Variants in CIMAP2 observed in about 807,000 individuals in gnomAD.
The protein encoded by CIMAP2 is ciliary microtubule associated protein 2.
chr1:54,813,689 G>A, the CIMAP2 span: 45 of 912,696 alleles, frequency 4.9e-5, no homozygotes, highest in East Asian at 4.6e-4. Context: ...TCCGGCCTCC[G>A]GGATGTCTGC....
the CIMAP2 span, among the ~76,000 whole-genome samples, chr1:54,816,771 T>A: frequency 1.3e-5 from 2 of 152,196 alleles, no homozygotes; most frequent in African/African-American, 4.8e-5. Context: ...TATGACTTAA[T>A]CTTAACTAAT....
chr1:54,808,856 C>T, the CIMAP2 span, among the ~76,000 whole-genome samples: 1,665 of 152,114 alleles, frequency 0.011, 37 homozygotes, highest in African/African-American at 0.038. Flanking sequence ...TGGCCTGGAC[C>T]TCTCTGTGCT....
the CIMAP2 span, chr1:54,807,209 CT>C: frequency 9.1e-7 from 1 of 1,100,290 alleles, no homozygotes; most frequent in Non-Finnish European, 1.4e-6. Context: ...CAGCACAGAG[CT>C]GGACCCACAG....
the CIMAP2 span, among the ~76,000 whole-genome samples, chr1:54,816,444 GA>G: frequency 6.6e-6 from 1 of 152,118 alleles, no homozygotes; most frequent in Non-Finnish European, 1.5e-5. Context: ...CTGTGACCCC[GA>G]TATCTGGGTG....
chr1:54,821,886 C>CTTTTTTTTTT, the CIMAP2 span, among the ~76,000 whole-genome samples: 407 of 66,610 alleles, frequency 6.1e-3, 34 homozygotes, highest in Non-Finnish European at 8.4e-3. Flanking sequence ...CCTCTTATTT[C>CTTTTTTTTTT]TTTTTTTTTT....
At chr1:54,830,647 G>T in the CIMAP2 span, among the ~76,000 whole-genome samples, 1 of 152,196 alleles carries the variant, frequency 6.6e-6, no homozygotes, top group Admixed American at 6.5e-5. The surrounding 1 kb of genome is among the most constrained non-coding windows in gnomAD (Gnocchi z 4.1). Context: ...GCACTCATCT[G>T]GCTGCAGACA....
chr1:54,817,755 ATGAGGACCAGATTC>A, the CIMAP2 span, among the ~76,000 whole-genome samples: 91,692 of 151,000 alleles, frequency 0.61, 28,455 homozygotes, highest in South Asian at 0.75. Context: ...TGGTGAGGAC[ATGAGGACCAGATTC>A]TGAGGACCAG....
At chr1:54,811,765 G>GCCGGGGGGGGGGCCCCC in the CIMAP2 span, 20 of 1,301,288 alleles carry the variant, frequency 1.5e-5, no homozygotes, top group African/African-American at 3.0e-5. Flanking sequence ...GGTTCTGACA[G>GCCGGGGGGGGGGCCCCC]CCTCCATGCC....
the CIMAP2 span, among the ~76,000 whole-genome samples, chr1:54,841,261 C>A: frequency 6.6e-6 from 1 of 152,150 alleles, no homozygotes; most frequent in Admixed American, 6.5e-5. Context: ...AAGTGTGTAA[C>A]GTAAGGGCTG....
chr1:54,830,057 C>G, the CIMAP2 span, among the ~76,000 whole-genome samples: 1 of 152,086 alleles, frequency 6.6e-6, no homozygotes, highest in Non-Finnish European at 1.5e-5. The surrounding 1 kb of genome is among the most constrained non-coding windows in gnomAD (Gnocchi z 4.1). Context: ...TGGGTGTTTT[C>G]ACTGGGTGAA....
the CIMAP2 span, chr1:54,816,914 A>G: frequency 2.6e-6 from 4 of 1,566,332 alleles, no homozygotes; most frequent in East Asian, 4.5e-5. Context: ...GAAGCGTCCA[A>G]GGGGAGGAGA....
At chr1:54,836,584 G>T in the CIMAP2 span, among the ~76,000 whole-genome samples, 2 of 147,910 alleles carry the variant, frequency 1.4e-5, no homozygotes, top group Admixed American at 1.3e-4. Flanking sequence ...ACATTTGCTA[G>T]GGGTCAGAAC....
chr1:54,811,763 C>CCGCGGGGGGG, the CIMAP2 span: 1 of 1,280,764 alleles, frequency 7.8e-7, no homozygotes, highest in South Asian at 1.2e-5. Flanking sequence ...GTGGTTCTGA[C>CCGCGGGGGGG]AGCCTCCATG....
the CIMAP2 span, among the ~76,000 whole-genome samples, chr1:54,824,192 T>C: frequency 1.3e-5 from 2 of 152,072 alleles, no homozygotes; most frequent in Admixed American, 6.6e-5. Context: ...TAGATATATA[T>C]TTTTTTACTT....
At chr1:54,814,825 G>A in the CIMAP2 span, 1 of 1,566,316 alleles carries the variant, frequency 6.4e-7, no homozygotes, top group South Asian at 1.2e-5. Flanking sequence ...GATGGGTGGA[G>A]TCAGCTGGCC....
the CIMAP2 span, chr1:54,807,585 G>A: frequency 6.2e-7 from 1 of 1,605,986 alleles, no homozygotes; most frequent in Non-Finnish European, 8.5e-7. Context: ...AGAAGAAGCT[G>A]ATGAAGGAGG....
chr1:54,834,276 A>G, the CIMAP2 span, among the ~76,000 whole-genome samples: 1 of 152,196 alleles, frequency 6.6e-6, no homozygotes, highest in Non-Finnish European at 1.5e-5. Flanking sequence ...GAACTTTTCT[A>G]CTTTCCAGCT....
chr1:54,813,779 G>A, the CIMAP2 span: 1 of 1,565,702 alleles, frequency 6.4e-7, no homozygotes, highest in Non-Finnish European at 8.6e-7. Context: ...TGATTTTCCT[G>A]GCATAGCAGA....
At chr1:54,811,943 G>A in the CIMAP2 span, 3 of 1,614,144 alleles carry the variant, frequency 1.9e-6, no homozygotes, top group Non-Finnish European at 2.5e-6. Flanking sequence ...TACCCCCTCG[G>A]CTGGCCAGGC....
Sources: gnomAD v4.1 joint callset for allele counts (sites outside exome capture counted in the v4.1 genomes callset) on GRCh38, gnomAD v4.1.1 for gene constraint, Gnocchi (gnomAD v3.1) non-coding constraint, MANE v1.5 for transcripts, NCBI Gene and HGNC (gene_info 2026-07-23, HGNC 2026-07-21) for gene names.